SMTNL1: variants seen among roughly 807,000 people sequenced by gnomAD.
The protein encoded by SMTNL1 is smoothelin-like protein 1.
In SMTNL1, 41 loss-of-function variants were observed where a neutral mutation model predicts 46.6. That is an observed-to-expected ratio of 0.88 (90% CI 0.69 to 1.14). SMTNL1 has a LOEUF of 1.14. Ranked by LOEUF, SMTNL1 falls within the 50% of genes most tolerant of loss-of-function variation. The pLI, the probability that SMTNL1 is intolerant of heterozygous loss-of-function variation, is 0.00. For missense variants in SMTNL1, 591 were observed against 626.1 expected (o/e 0.94, Z 0.60); for synonymous variants, 234 against 234.2 (o/e 1.00, Z 0.01).
At position 57,542,298 on chromosome 11, in the gene SMTNL1, A is replaced by C. The variant is rs563976604; in HGVS notation, c.-2-343A>C. Among the ~76,000 whole-genome samples the C allele has an allele frequency of 1.1e-4, 16 of 152,332 alleles. No individual in the cohort carries two copies. In the South Asian group the frequency reaches 1.5e-3, roughly 14 times the overall value. ...GGATGACAGAGCGAGACCTTGTCTC[A>C]AAAAATAAATAATACAATAAAATTG... On this transcript the variant is annotated intron_variant, in intron 1 of 7. Transcript: ENST00000527972.
intron 5 of SMTNL1, 46 bp downstream of exon 5, chr11:57,546,082 C>A: frequency 6.5e-7 from 1 of 1,537,296 alleles, no homozygotes; most frequent in South Asian, 1.3e-5. Flanking sequence ...CATAGGAACC[C>A]TGGGTTGGTG....
chr11:57,541,181 T>G (rs528417237), intron 1 of SMTNL1, among the ~76,000 whole-genome samples: 1 of 152,226 alleles, frequency 6.6e-6, no homozygotes, highest in South Asian at 2.1e-4. Context: ...CAGTGGGTGG[T>G]GGGAAAAAAG....
At chr11:57,549,545 G>A (rs1189465004) in intron 7 of SMTNL1, among the ~76,000 whole-genome samples, 2 of 151,694 alleles carry the variant, frequency 1.3e-5, no homozygotes. Context: ...ATTTTTTGGA[G>A]AAGCTCCCAT....
chr11:57,546,793 C>A, intron 7 of SMTNL1, 141 bp downstream of exon 7: 1 of 1,131,062 alleles, frequency 8.8e-7, no homozygotes, highest in African/African-American at 1.5e-5. Flanking sequence ...GAGGGCCAGG[C>A]ACTGTTTCAG....
chr11:57,542,139 C>CAAA (rs755994227), intron 1 of SMTNL1, among the ~76,000 whole-genome samples: 20 of 148,706 alleles, frequency 1.3e-4, no homozygotes, highest in Admixed American at 6.7e-4. Context: ...CACACACACA[C>CAAA]ACACAAAAAT....
chr11:57,549,782 C>T (rs1172606334), intron 7 of SMTNL1, among the ~76,000 whole-genome samples, 186 bp from the exon 8 acceptor site: 5 of 152,192 alleles, frequency 3.3e-5, no homozygotes, highest in Non-Finnish European at 7.3e-5. Context: ...TTTGTCTTAA[C>T]TCTGTTGGGG....
rs755487313 is a variant in SMTNL1 at position 57,546,046 on chromosome 11, A to G, written c.1073+10A>G. On this transcript the variant is annotated intron_variant, in intron 5 of 7. Coordinates refer to ENST00000527972, the MANE Select transcript of SMTNL1 (RefSeq NM_001105565.3). ...TGGACAAGTTTGGCGGGTAGGACAC[A>G]GGCCAGGGGCTGGGCTGGGCTTTCC... The G allele has an allele frequency of 8.3e-6, 13 of 1,569,672 alleles. No homozygotes were observed. The highest frequency in any genetic ancestry group is 1.1e-5 in the Non-Finnish European group (13 of 1,159,380).
chr11:57,544,887 A>T (rs1944909928), intron 4 of SMTNL1, among the ~76,000 whole-genome samples: 1 of 140,148 alleles, frequency 7.1e-6, no homozygotes, highest in South Asian at 2.3e-4. Flanking sequence ...CCCAGGCTGG[A>T]GTGCAATAGT....
At chr11:57,538,251 G>A (rs911671981) in intron 1 of SMTNL1, among the ~76,000 whole-genome samples, 1 of 152,168 alleles carries the variant, frequency 6.6e-6, no homozygotes, top group Non-Finnish European at 1.5e-5. Context: ...TGACAGATGA[G>A]GCTGCAGTGG....
intron 4 of SMTNL1, among the ~76,000 whole-genome samples, 181 bp downstream of exon 4, chr11:57,544,101 C>A (rs1391132882): frequency 6.6e-6 from 1 of 152,232 alleles, no homozygotes; most frequent in African/African-American, 2.4e-5. Context: ...GAGGCATGGT[C>A]GGCTGCAGTG....
chr11:57,548,147 A>G (rs1349105378), intron 7 of SMTNL1, among the ~76,000 whole-genome samples: 1 of 152,170 alleles, frequency 6.6e-6, no homozygotes, highest in Admixed American at 6.6e-5. Flanking sequence ...AGGTCCCAAC[A>G]CTGATTAGCT....
chr11:57,545,847 C>A, intron 4 of SMTNL1, 34 bp from the exon 5 acceptor site: 2 of 1,594,646 alleles, frequency 1.3e-6, no homozygotes, highest in Non-Finnish European at 1.7e-6. Context: ...CTGGTCCCAG[C>A]CTCTCTCACA....
Position 57,550,058 on chromosome 11 carries a change from G to A in SMTNL1, c.1431G>A (p.Gln477=), listed in dbSNP as rs1234287953. Residue 477 remains glutamine, a synonymous_variant, in exon 8 of 8, where the codon CAG becomes CAA. Transcript: ENST00000527972. ...CCAAGTGCGTCTACACATACATCCA[G>A]GAACTGTACCGCAGCCTTGTGCAGA... ...PDSKCVYTYI[Q]ELYRSLVQKG... 5.6e-6 allele frequency: 9 copies of A among 1,613,842 alleles called. No homozygotes were observed. The Admixed American group carries it at 1.3e-4, about 24-fold the overall frequency.
Position 57,542,774 on chromosome 11 carries a change from G to A in SMTNL1, c.132G>A (p.Glu44=), listed in dbSNP as rs568284745. The A allele has an allele frequency of 3.1e-6, 5 of 1,613,952 alleles. No homozygotes were observed. The Admixed American group carries it at 8.3e-5, about 27-fold the overall frequency. ...TKGTAGKAIN[E]GPPTESGKQE... ...GCACAGCTGGAAAGGCCATCAATGAGGGGCCTCCCACTGAGTCAGGAAAGC... is the reference window on the plus strand; with the variant it reads ...GCACAGCTGGAAAGGCCATCAATGAAGGGCCTCCCACTGAGTCAGGAAAGC... The change falls in exon 2 of 8, where the codon GAG becomes GAA. Residue 44 remains glutamate, a synonymous_variant. Coordinates refer to ENST00000527972, the MANE Select transcript of SMTNL1 (RefSeq NM_001105565.3).
Position 57,543,163 on chromosome 11 carries a change from C to A in SMTNL1, c.521C>A (p.Ala174Asp), listed in dbSNP as rs555989208. 2 of 1,613,656 alleles carry A rather than the reference C, an allele frequency of 1.2e-6. No individual in the cohort carries two copies. Among genetic ancestry groups the A allele is most frequent in the South Asian group, 1.1e-5 (1 of 91,024 alleles). Reference sequence around the variant, plus strand: ...GTTGAGGAGGAGGACGCCAAGACAGCCTCTCAGGAGGAGACAGGCCAGAGG... The same window carrying A: ...GTTGAGGAGGAGGACGCCAAGACAGACTCTCAGGAGGAGACAGGCCAGAGG... ...ATVEEEDAKT[A>D]SQEETGQRKE... The change falls in exon 2 of 8, where the codon GCC becomes GAC. Residue 174 changes from alanine (A) to aspartate (D), a missense_variant. Ala to Asp is a moderately radical substitution (Grantham distance 126). Coordinates refer to ENST00000527972, the MANE Select transcript of SMTNL1 (RefSeq NM_001105565.3).
chr11:57,546,115 G>A (rs1287022119), intron 5 of SMTNL1, 79 bp downstream of exon 5: 3 of 1,517,828 alleles, frequency 2.0e-6, no homozygotes, highest in African/African-American at 2.8e-5. Context: ...CAGGGGCAGT[G>A]GGAACAGCCC....
intron 6 of SMTNL1, 72 bp downstream of exon 6, chr11:57,546,419 G>T: frequency 1.3e-6 from 2 of 1,567,140 alleles, no homozygotes; most frequent in South Asian, 1.2e-5. Flanking sequence ...AACCCCAAAG[G>T]GTGGGAGGGT....
chr11:57,538,612 G>T (rs1449133020), intron 1 of SMTNL1, among the ~76,000 whole-genome samples: 1 of 152,220 alleles, frequency 6.6e-6, no homozygotes, highest in African/African-American at 2.4e-5. Flanking sequence ...GGGACACTGG[G>T]CTGCGGAGCT....
intron 1 of SMTNL1, among the ~76,000 whole-genome samples, chr11:57,538,691 C>G (rs1280183109): frequency 1.3e-5 from 2 of 152,200 alleles, no homozygotes; most frequent in Admixed American, 1.3e-4. Context: ...GATAGAGAGC[C>G]AGGCCACTTG....
Sources: allele counts gnomAD v4.1 joint callset (sites outside exome capture counted in the v4.1 genomes callset), GRCh38; gene constraint gnomAD v4.1.1; transcripts MANE v1.5; gene names NCBI Gene and HGNC (gene_info 2026-07-23, HGNC 2026-07-21).